SVOPL: variants seen among roughly 807,000 people sequenced by gnomAD.
SVOPL encodes SVOP like.
A neutral mutation model predicts 61.0 loss-of-function variants in SVOPL; 60 were observed. The observed-to-expected ratio is 0.98, with a 90% CI of 0.80 to 1.22. The LOEUF is 1.22. SVOPL is among the 50% of genes most tolerant of loss of function. The probability of loss-of-function intolerance (pLI) is 0.00; values close to 1 mark genes in which losing one functional copy is unlikely to be tolerated. For missense variants in SVOPL, 662 were observed against 643.9 expected (o/e 1.03, Z -0.30); for synonymous variants, 279 against 250.0 (o/e 1.12, Z -1.09).
intron 13 of SVOPL, among the ~76,000 whole-genome samples, chr7:138,621,884 ATC>A (rs1281981208): frequency 2.1e-5 from 3 of 146,168 alleles, no homozygotes; most frequent in African/African-American, 7.7e-5. Flanking sequence ...CTATCTATCT[ATC>A]TATCTATCTA....
chr7:138,619,353 G>A (rs1035475851), intron 14 of SVOPL, among the ~76,000 whole-genome samples: 1 of 151,694 alleles, frequency 6.6e-6, no homozygotes, highest in African/African-American at 2.4e-5. Flanking sequence ...AGGCTGCAGT[G>A]AGCCATGACT....
intron 9 of SVOPL, among the ~76,000 whole-genome samples, chr7:138,637,465 T>G (rs79247110): frequency 3.2e-3 from 44 of 13,602 alleles, no homozygotes; most frequent in South Asian, 0.02. Context: ...GATATATATA[T>G]ATAGATATAG....
At chr7:138,656,318 T>G in intron 7 of SVOPL, 130 bp downstream of exon 7, 1 of 889,648 alleles carries the variant, frequency 1.1e-6, no homozygotes, top group Non-Finnish European at 1.8e-6. Context: ...GTTGTGTGAC[T>G]CACTTTATTC....
intron 3 of SVOPL, among the ~76,000 whole-genome samples, chr7:138,675,083 C>T (rs1363137329): frequency 6.6e-6 from 1 of 151,914 alleles, no homozygotes; most frequent in Non-Finnish European, 1.5e-5. Context: ...TAGGATACAT[C>T]TTGCCTTTCT....
intron 7 of SVOPL, among the ~76,000 whole-genome samples, 176 bp from the exon 8 acceptor site, chr7:138,649,313 G>A (rs1288508129): frequency 1.3e-5 from 2 of 151,796 alleles, no homozygotes; most frequent in Non-Finnish European, 2.9e-5. Flanking sequence ...GTTTTGTTTT[G>A]AGACAGGGTC....
intron 4 of SVOPL, among the ~76,000 whole-genome samples, chr7:138,668,898 T>A (rs1480115170): frequency 1.3e-5 from 2 of 152,162 alleles, no homozygotes; most frequent in African/African-American, 4.8e-5. Flanking sequence ...CTGACTGCCA[T>A]CCTCCACCCA....
In SVOPL at chr7:138,594,926, C is replaced by CTT. The variant is rs750165408; in HGVS notation, c.1468-307_1468-306dup. ...CGTGTGTGTCTGTGTATATATATAACTTTTTTTTTTTTAGAGACAGGGTTT... is the reference window on the plus strand; with the variant it reads ...CGTGTGTGTCTGTGTATATATATAACTTTTTTTTTTTTTTAGAGACAGGGTTT... On this transcript the variant is annotated intron_variant, in intron 15 of 15. Coordinates refer to ENST00000674285, the MANE Select transcript of SVOPL (RefSeq NM_001139456.2). Among the ~76,000 whole-genome samples, 452 of 144,462 alleles carry CTT rather than the reference C, an allele frequency of 3.1e-3. 1 individual carries two copies. Among genetic ancestry groups the CTT allele is most frequent in the South Asian group, 7.2e-3 (33 of 4,608 alleles). The allele number at this position is 144,462 out of a possible 152,430, so 94.8% of individuals were successfully genotyped here.
At chr7:138,620,126 T>TTTTG (rs1799492933) in intron 14 of SVOPL, among the ~76,000 whole-genome samples, 1 of 113,552 alleles carries the variant, frequency 8.8e-6, no homozygotes, top group African/African-American at 3.9e-5. Context: ...TCTGTTTTGT[T>TTTTG]TTTTTTTTTT....
Position 138,608,473 on chromosome 7 carries a change from G to A in SVOPL, c.1354-11943C>T, listed in dbSNP as rs145075423. 2.0e-3 allele frequency among the ~76,000 whole-genome samples: 304 copies of A among 152,266 alleles called. 1 individual carries two copies. Among genetic ancestry groups the A allele is most frequent in the African/African-American group, 7.0e-3 (291 of 41,536 alleles). Reference sequence around the variant, plus strand: ...GTAAAAAATGGATTTTCAATACGTCGTGTTGAGACAGCCGGCTTGCCACTG... The same window carrying A: ...GTAAAAAATGGATTTTCAATACGTCATGTTGAGACAGCCGGCTTGCCACTG... On this transcript the variant is annotated intron_variant, in intron 14 of 15. Coordinates refer to ENST00000674285, the MANE Select transcript of SVOPL (RefSeq NM_001139456.2).
intron 11 of SVOPL, 109 bp from the exon 12 acceptor site, chr7:138,627,570 C>A: frequency 1.3e-6 from 1 of 780,014 alleles, no homozygotes. Context: ...CAACTTCATC[C>A]AAACCTCACG....
intron 1 of SVOPL, among the ~76,000 whole-genome samples, chr7:138,692,693 A>C (rs1011898645): frequency 2.0e-5 from 3 of 152,214 alleles, no homozygotes; most frequent in Non-Finnish European, 2.9e-5. Context: ...CTAGAGAAAT[A>C]AATAGAATCT....
intron 14 of SVOPL, among the ~76,000 whole-genome samples, chr7:138,617,644 GA>G (rs1799359171): frequency 6.6e-6 from 1 of 152,110 alleles, no homozygotes; most frequent in Non-Finnish European, 1.5e-5. Context: ...AGGCCAGGCT[GA>G]GCAACACAGT....
intron 5 of SVOPL, chr7:138,661,265 G>C (rs1411237806): frequency 1.0e-6 from 1 of 985,332 alleles, no homozygotes; most frequent in Non-Finnish European, 1.2e-6. Flanking sequence ...ATCTTAGTAG[G>C]CACGTGACTT....
intron 9 of SVOPL, among the ~76,000 whole-genome samples, chr7:138,635,635 G>A (rs1281151654): frequency 6.6e-6 from 1 of 152,146 alleles, no homozygotes; most frequent in Non-Finnish European, 1.5e-5. Context: ...GAGCTGGGAT[G>A]TAGGCAGGAG....
chr7:138,616,892 G>C (rs1799326862), intron 14 of SVOPL, among the ~76,000 whole-genome samples: 1 of 152,158 alleles, frequency 6.6e-6, no homozygotes, highest in Non-Finnish European at 1.5e-5. Flanking sequence ...GCTCAACCAA[G>C]TCTCACACTT....
chr7:138,659,908 G>A lies in SVOPL; in HGVS notation c.426C>T (p.Phe142=). Residue 142 remains phenylalanine, a synonymous_variant, in exon 6 of 16, where the codon TTC becomes TTT. Transcript: ENST00000674285. ...CACCACAGCCCACCATCGTCCGCAG[G>A]AAGACAAACCAGATGTACGAAGGAG... ...SFAPSYIWFV[F]LRTMVGCGVS... The A allele has an allele frequency of 1.3e-6, 2 of 1,551,560 alleles. No homozygotes were observed. Among genetic ancestry groups the A allele is most frequent in the Non-Finnish European group, 8.7e-7 (1 of 1,146,988 alleles).
chr7:138,637,951 CA>C (rs1563109219), intron 9 of SVOPL, among the ~76,000 whole-genome samples: 2 of 151,764 alleles, frequency 1.3e-5, no homozygotes, highest in East Asian at 1.9e-4. Flanking sequence ...GCCTCCATCT[CA>C]AAAAATAAAA....
intron 5 of SVOPL, chr7:138,660,702 G>A (rs1281563373): frequency 5.1e-6 from 5 of 985,246 alleles, no homozygotes; most frequent in Non-Finnish European, 6.0e-6. Flanking sequence ...ATTTCTGGAA[G>A]ACAAATGTTC....
At chr7:138,653,932 CAAAAA>C (rs34826230) in intron 7 of SVOPL, among the ~76,000 whole-genome samples, 114 of 132,578 alleles carry the variant, frequency 8.6e-4, no homozygotes, top group Non-Finnish European at 7.9e-4. Flanking sequence ...GACTCTGTCT[CAAAAA>C]AAAAAAAAAA....
Sources: gnomAD v4.1 joint callset for allele counts (sites outside exome capture counted in the v4.1 genomes callset) on GRCh38, gnomAD v4.1.1 for gene constraint, MANE v1.5 for transcripts, NCBI Gene and HGNC (gene_info 2026-07-23, HGNC 2026-07-21) for gene names.